Variants in VPS13B observed in about 807,000 individuals in gnomAD.
VPS13B encodes the protein intermembrane lipid transfer protein VPS13B.
In VPS13B, 285 loss-of-function variants were observed where a neutral mutation model predicts 426.4. That is an observed-to-expected ratio of 0.67 (90% CI 0.61 to 0.74). The LOEUF (loss-of-function observed/expected upper bound fraction) is 0.74. Ranked by LOEUF, VPS13B falls within the 30% of genes least tolerant of loss-of-function variation. The pLI is 0.00. For missense variants in VPS13B, 4,537 were observed against 4,782.6 expected (o/e 0.95, Z 1.51); for synonymous variants, 1,676 against 1,676.4 (o/e 1.00, Z 0.01).
intron 21 of VPS13B, among the ~76,000 whole-genome samples, chr8:99,423,068 A>G (rs964997046): frequency 3.3e-5 from 5 of 152,014 alleles, no homozygotes; most frequent in African/African-American, 1.2e-4. Context: ...TTCTTTTTTG[A>G]TGGACAGATA....
intron 58 of VPS13B, chr8:99,868,036 A>C (rs1817193074): frequency 6.6e-6 from 3 of 452,290 alleles, no homozygotes; most frequent in Non-Finnish European, 1.2e-5. Context: ...AGGTTTGTTA[A>C]ATTCTGAACT....
At chr8:99,631,630 T>TA (rs923316789) in intron 33 of VPS13B, among the ~76,000 whole-genome samples, 3 of 151,930 alleles carry the variant, frequency 2.0e-5, no homozygotes, top group South Asian at 4.2e-4. Context: ...TTGCTCTGAC[T>TA]AAAAAAAACT....
chr8:99,108,609 G>T (rs548467793), intron 5 of VPS13B, among the ~76,000 whole-genome samples: 13 of 152,056 alleles, frequency 8.5e-5, no homozygotes, highest in African/African-American at 2.9e-4. Context: ...TTCATTTCTG[G>T]GTTTTTGATT....
intron 22 of VPS13B, among the ~76,000 whole-genome samples, chr8:99,433,560 A>G (rs1817223636): frequency 6.6e-6 from 1 of 152,202 alleles, no homozygotes; most frequent in Non-Finnish European, 1.5e-5. Context: ...GCCAATAAAT[A>G]CATAAAGACA....
chr8:99,131,187 T>A (rs1364082466), intron 8 of VPS13B, among the ~76,000 whole-genome samples: 1 of 152,190 alleles, frequency 6.6e-6, no homozygotes, highest in East Asian at 1.9e-4. Context: ...AGAGAGTTCC[T>A]TTATGTTCTT....
chr8:99,076,205 TGTG>T (rs1845113050), intron 3 of VPS13B, among the ~76,000 whole-genome samples: 1 of 152,234 alleles, frequency 6.6e-6, no homozygotes, highest in African/African-American at 2.4e-5. Flanking sequence ...GTTTTATTCT[TGTG>T]GTCTGAGAAC....
chr8:99,318,455 A>C (rs1202343977), intron 19 of VPS13B, among the ~76,000 whole-genome samples: 1 of 152,200 alleles, frequency 6.6e-6, no homozygotes, highest in Admixed American at 6.5e-5. Flanking sequence ...ACAAATTTAA[A>C]TTATGGAGTA....
At chr8:99,639,983 T>C (rs1281852885) in intron 33 of VPS13B, among the ~76,000 whole-genome samples, 1 of 67,596 alleles carries the variant, frequency 1.5e-5, no homozygotes, top group Non-Finnish European at 3.0e-5. Flanking sequence ...TCTTTAAAAA[T>C]AGTAATAATA....
intron 3 of VPS13B, among the ~76,000 whole-genome samples, chr8:99,040,063 C>CTA (rs1842908167): frequency 6.6e-6 from 1 of 151,360 alleles, no homozygotes; most frequent in East Asian, 1.9e-4. Context: ...CTTGGTTATA[C>CTA]CACCCATGCA....
intron 30 of VPS13B, among the ~76,000 whole-genome samples, chr8:99,526,551 G>C (rs1169512463): frequency 1.3e-5 from 2 of 152,008 alleles, no homozygotes; most frequent in Admixed American, 6.6e-5. Flanking sequence ...TTGCACATGG[G>C]GTTTGAGAAA....
chr8:99,443,114 A>AAT (rs998343033), intron 23 of VPS13B, among the ~76,000 whole-genome samples: 9 of 152,008 alleles, frequency 5.9e-5, no homozygotes, highest in South Asian at 2.1e-4. Flanking sequence ...TCCTTTCTCC[A>AAT]ATATATATAT....
At chr8:99,425,632 A>G (rs991449570) in intron 21 of VPS13B, among the ~76,000 whole-genome samples, 11 of 152,238 alleles carry the variant, frequency 7.2e-5, no homozygotes, top group Non-Finnish European at 1.0e-4. Context: ...AAAAACTGGA[A>G]GCATTCCCTT....
rs150573530 is a variant in VPS13B at position 99,835,699 on chromosome 8, G to A, written c.9903G>A (p.Glu3301=). The A allele has an allele frequency of 1.6e-4, 258 of 1,614,176 alleles. No homozygotes were observed. The African/African-American group carries it at 3.1e-3, about 20-fold the overall frequency. Residue 3301 remains glutamate, a synonymous_variant, in exon 54 of 62, where the codon GAG becomes GAA. Transcript: ENST00000357162. ...AACCTCTAGATGAAGTAACAACTGA[G>A]TGGAGTGATGCCATTGACATCAACA... ...RVEPLDEVTT[E]WSDAIDINSQ...
intron 15 of VPS13B, among the ~76,000 whole-genome samples, chr8:99,162,801 C>T (rs1588102225): frequency 6.6e-6 from 1 of 152,140 alleles, no homozygotes; most frequent in Non-Finnish European, 1.5e-5. Context: ...AAAGCTTCCA[C>T]AGTGTGGAAG....
At chr8:99,583,058 G>T (rs548081786) in intron 33 of VPS13B, among the ~76,000 whole-genome samples, 1 of 152,002 alleles carries the variant, frequency 6.6e-6, no homozygotes, top group African/African-American at 2.4e-5. Flanking sequence ...ATAATTCCTC[G>T]CAATTTAATT....
At chr8:99,191,278 A>G (rs1675570467) in intron 16 of VPS13B, among the ~76,000 whole-genome samples, 1 of 149,738 alleles carries the variant, frequency 6.7e-6, no homozygotes, top group Admixed American at 6.6e-5. Flanking sequence ...GGGTTTGCTG[A>G]ATTTCTTGGA....
At chr8:99,233,434 C>T (rs1232999551) in intron 17 of VPS13B, 6 of 1,274,772 alleles carry the variant, frequency 4.7e-6, no homozygotes, top group Non-Finnish European at 6.9e-6. Flanking sequence ...GATGTGTGCC[C>T]CTTTCTTCCC....
chr8:99,382,312 C>A (rs1032595086), intron 19 of VPS13B, among the ~76,000 whole-genome samples: 1 of 152,044 alleles, frequency 6.6e-6, no homozygotes, highest in Non-Finnish European at 1.5e-5. Flanking sequence ...TACTCAAGCT[C>A]TTTTTTCATT....
intron 15 of VPS13B, among the ~76,000 whole-genome samples, chr8:99,163,737 C>T (rs916707487): frequency 6.6e-6 from 1 of 152,148 alleles, no homozygotes; most frequent in Non-Finnish European, 1.5e-5. Context: ...CTCCAGCTGG[C>T]CTGCAAGCGC....
Sources: gnomAD v4.1 joint callset for allele counts (sites outside exome capture counted in the v4.1 genomes callset) on GRCh38, gnomAD v4.1.1 for gene constraint, MANE v1.5 for transcripts, NCBI Gene and HGNC (gene_info 2026-07-23, HGNC 2026-07-21) for gene names.